TBCE: variants seen among roughly 807,000 people sequenced by gnomAD.
TBCE encodes tubulin folding cofactor E, also known as tubulin-specific chaperone E.
In TBCE, 53 loss-of-function variants were observed where a neutral mutation model predicts 77.0. That is an observed-to-expected ratio of 0.69 (90% CI 0.55 to 0.87). TBCE has a LOEUF of 0.87. Ranked by LOEUF, TBCE falls within the 40% of genes least tolerant of loss-of-function variation. TBCE has a pLI of 0.00. For missense variants in TBCE, 624 were observed against 622.4 expected, an observed-to-expected ratio of 1.00 and a Z score of -0.03; for synonymous variants, 235 against 241.3, an observed-to-expected ratio of 0.97 and a Z score of 0.24.
chr1:235,448,220 CAAAAAAAAAA>C (rs59405398), intron 15 of TBCE, 119 bp from the exon 16 acceptor site: 9 of 527,200 alleles, frequency 1.7e-5, no homozygotes, highest in African/African-American at 3.2e-5. Context: ...AAGTCAGTCT[CAAAAAAAAAA>C]AAAAAAAAAA....
intron 5 of TBCE, among the ~76,000 whole-genome samples, chr1:235,422,047 CCT>C (rs1680428546): frequency 6.6e-6 from 1 of 152,222 alleles, no homozygotes; most frequent in African/African-American, 2.4e-5. Context: ...CCCTGAGCAG[CCT>C]CCTCCGTTGA....
chr1:235,394,343 G>C lies in TBCE; in HGVS notation c.101-7160G>C, dbSNP rs147296548. Among the ~76,000 whole-genome samples the C allele has an allele frequency of 8.3e-3, 1,257 of 151,398 alleles. 14 individuals carry two copies. Among genetic ancestry groups the C allele is most frequent in the African/African-American group, 0.029 (1,216 of 41,272 alleles). Reference sequence around the variant, plus strand: ...CCTGCCTCGGCCTCCCAAAATGCTGGGATTACAGGCGTGAGCCACCATGCC... The same window carrying C: ...CCTGCCTCGGCCTCCCAAAATGCTGCGATTACAGGCGTGAGCCACCATGCC... On this transcript the variant is annotated intron_variant, in intron 2 of 16. Transcript: ENST00000642610.
chr1:235,406,151 G>A (rs1031122534), intron 3 of TBCE, among the ~76,000 whole-genome samples: 16 of 152,170 alleles, frequency 1.1e-4, no homozygotes, highest in African/African-American at 3.4e-4. Flanking sequence ...AATGTTATCT[G>A]TGAATTCCAT....
chr1:235,449,704 T>C lies in TBCE; in HGVS notation c.*942T>C, dbSNP rs559910836. ...ACATTATTTCCAGAAACCCCAAACT[T>C]TGGTATAAGTGACCACTGCTCAAAT... On this transcript the variant is annotated 3_prime_UTR_variant, in exon 17 of 17. Coordinates refer to ENST00000642610, the MANE Select transcript of TBCE (RefSeq NM_003193.5). 1 of 152,636 alleles carries C rather than the reference T, an allele frequency of 6.6e-6. No individual in the cohort carries two copies. Among genetic ancestry groups the C allele is most frequent in the East Asian group, 1.9e-4 (1 of 5,188 alleles). 9.5% of individuals were successfully genotyped at this position (152,636 alleles called of 1,614,324 possible).
At chr1:235,397,091 T>C (rs1402385823) in intron 2 of TBCE, among the ~76,000 whole-genome samples, 1 of 151,920 alleles carries the variant, frequency 6.6e-6, no homozygotes, top group Non-Finnish European at 1.5e-5. Context: ...TCTTTTGCCT[T>C]AGCCTTCCGA....
intron 6 of TBCE, among the ~76,000 whole-genome samples, chr1:235,428,686 C>T (rs1292412298): frequency 6.8e-6 from 1 of 147,152 alleles, no homozygotes; most frequent in Non-Finnish European, 1.5e-5. Context: ...GCCCTGTCGC[C>T]AGGCTGGAGT....
intron 2 of TBCE, among the ~76,000 whole-genome samples, chr1:235,391,443 C>T (rs1678381576): frequency 6.7e-6 from 1 of 150,208 alleles, no homozygotes; most frequent in Non-Finnish European, 1.5e-5. Flanking sequence ...CGAGATTGCA[C>T]CACTGCACCC....
chr1:235,440,608 G>A (rs1430295175), intron 13 of TBCE, among the ~76,000 whole-genome samples: 2 of 151,290 alleles, frequency 1.3e-5, no homozygotes, highest in Non-Finnish European at 2.9e-5. Context: ...TGGCCAGGCT[G>A]GTCTCAAACT....
rs755362328 is a variant in TBCE at position 235,430,736 on chromosome 1, G to A, written c.592G>A (p.Val198Ile). 5 of 1,613,620 alleles carry A rather than the reference G, an allele frequency of 3.1e-6. No homozygotes were observed. Among genetic ancestry groups the A allele is most frequent in the Non-Finnish European group, 3.4e-6 (4 of 1,179,790 alleles). ...ENKLKFPSGS[V>I]LTGTLSVLKV... Reference sequence around the variant, plus strand: ...TAAACTAAAATTTCCCTCCGGTTCAGTATTAACTGGAACGCTTTCTGTACT... The same window carrying A: ...TAAACTAAAATTTCCCTCCGGTTCAATATTAACTGGAACGCTTTCTGTACT... Residue 198 changes from valine to isoleucine, a missense_variant, in exon 7 of 17, where the codon GTA (valine) becomes ATA (isoleucine). Transcript: ENST00000642610.
chr1:235,405,958 T>A (rs553008947), intron 3 of TBCE, among the ~76,000 whole-genome samples: 1 of 152,224 alleles, frequency 6.6e-6, no homozygotes, highest in Non-Finnish European at 1.5e-5. Flanking sequence ...CACGTCATTA[T>A]GTGGTGCATG....
intron 2 of TBCE, among the ~76,000 whole-genome samples, chr1:235,397,026 G>A (rs1678768737): frequency 6.6e-6 from 1 of 151,560 alleles, no homozygotes; most frequent in Admixed American, 6.6e-5. Context: ...CCAAGCTGGA[G>A]TGCAGTAGCG....
intron 12 of TBCE, among the ~76,000 whole-genome samples, chr1:235,438,375 G>A (rs753382989): frequency 4.6e-5 from 7 of 151,924 alleles, no homozygotes; most frequent in East Asian, 1.9e-4. Context: ...GCGAAACCCC[G>A]TCTCTACTAA....
At chr1:235,414,130 A>G in intron 3 of TBCE, 2 of 353,116 alleles carry the variant, frequency 5.7e-6, no homozygotes, top group Non-Finnish European at 1.1e-5. Context: ...TGCTGGGATT[A>G]CAGTCATGAG....
intron 2 of TBCE, among the ~76,000 whole-genome samples, chr1:235,401,129 A>G (rs1436624769): frequency 6.6e-6 from 1 of 151,950 alleles, no homozygotes; most frequent in African/African-American, 2.4e-5. Flanking sequence ...TACCATCTGA[A>G]CCAGTTTTGA....
chr1:235,391,289 C>G (rs1421968808), intron 2 of TBCE, among the ~76,000 whole-genome samples: 1 of 151,942 alleles, frequency 6.6e-6, no homozygotes, highest in East Asian at 1.9e-4. Flanking sequence ...CGAGACCAGC[C>G]TGGGCAACAT....
intron 1 of TBCE, among the ~76,000 whole-genome samples, chr1:235,374,920 CTTTT>C (rs1241323977): frequency 2.7e-5 from 3 of 111,982 alleles, no homozygotes; most frequent in Non-Finnish European, 3.6e-5. Context: ...CTTTTTTTTT[CTTTT>C]TTTTTTTTTT....
At chr1:235,372,090 T>C (rs1354186805) in intron 1 of TBCE, among the ~76,000 whole-genome samples, 2 of 152,202 alleles carry the variant, frequency 1.3e-5, no homozygotes, top group Non-Finnish European at 1.5e-5. Flanking sequence ...CAGGTCATCC[T>C]CCAACCTAAG....
intron 6 of TBCE, 36 bp from the exon 7 acceptor site, chr1:235,430,669 A>C: frequency 6.7e-7 from 1 of 1,493,932 alleles, no homozygotes; most frequent in South Asian, 1.2e-5. Context: ...TTTACTGTAT[A>C]GAAATAAGTA....
chr1:235,413,928 C>G (rs1056161681), intron 3 of TBCE: 2 of 146,562 alleles, frequency 1.4e-5, no homozygotes, highest in Non-Finnish European at 2.8e-5. Context: ...GATCTTGGCT[C>G]ACTGCAACCT....
Sources: allele counts gnomAD v4.1 joint callset (sites outside exome capture counted in the v4.1 genomes callset), GRCh38; gene constraint gnomAD v4.1.1; transcripts MANE v1.5; gene names NCBI Gene and HGNC (gene_info 2026-07-23, HGNC 2026-07-21).